GTPBP4: variants seen among roughly 807,000 people sequenced by gnomAD.
GTPBP4 encodes the protein GTP binding protein 4.
In GTPBP4, 15 loss-of-function variants were observed where a neutral mutation model predicts 81.7. That is an observed-to-expected ratio of 0.18 (90% CI 0.12 to 0.28). The LOEUF is 0.28. GTPBP4 is among the 10% of genes least tolerant of loss of function. The probability of loss-of-function intolerance (pLI) is 1.00; values close to 1 mark genes in which losing one functional copy is unlikely to be tolerated. For synonymous variants in GTPBP4, 272 were observed against 274.6 expected (o/e 0.99, Z 0.09); for missense variants, 847 against 793.8 (o/e 1.07, Z -0.81).
rs1319923760 is a variant in GTPBP4, at chr10:1,017,846, A to G, written c.*619A>G. ...TGCTGGAGGCATTAGGCAATTAAATATGGGCATTCTCCTATTTCTGTGGCC... is the reference window on the plus strand; with the variant it reads ...TGCTGGAGGCATTAGGCAATTAAATGTGGGCATTCTCCTATTTCTGTGGCC... On this transcript the variant is annotated 3_prime_UTR_variant, in exon 17 of 17. Transcript: ENST00000360803. 1.3e-5 allele frequency: 2 copies of G among 152,242 alleles called. No individual in the cohort carries two copies. The highest frequency in any genetic ancestry group is 2.9e-5 in the Non-Finnish European group (2 of 68,044). The allele number at this position is 152,242 out of a possible 1,614,324, so 9.4% of individuals were successfully genotyped here.
intron 15 of GTPBP4, among the ~76,000 whole-genome samples, chr10:1,015,432 C>G (rs1314117627): frequency 0.074 from 2,923 of 39,428 alleles, 453 homozygotes; most frequent in African/African-American, 0.14. Flanking sequence ...TGGGAGTGGA[C>G]CTGGGGTCCT....
At chr10:988,675 G>A in intron 1 of GTPBP4, 148 bp downstream of exon 1, 1 of 638,402 alleles carries the variant, frequency 1.6e-6, no homozygotes. Flanking sequence ...CCGCGTACTC[G>A]GGATCATTTC....
chr10:1,013,046 C>T (rs1302112373), intron 14 of GTPBP4, among the ~76,000 whole-genome samples: 5 of 152,010 alleles, frequency 3.3e-5, no homozygotes, highest in African/African-American at 1.2e-4. Context: ...TGCAATGGCG[C>T]CATCTTGGCT....
At position 1,005,599 on chromosome 10, in the gene GTPBP4, G is replaced by A. The variant is rs185246934; in HGVS notation, c.913-219G>A. ...CCTTTGTTGTGGGGGACAGATGTGA[G>A]GGGCTACTAGTCGGCCATCTTTTTG... is the stretch of plus-strand genomic sequence containing the variant. On this transcript the variant is annotated intron_variant, in intron 8 of 16. Coordinates refer to ENST00000360803, the MANE Select transcript of GTPBP4 (RefSeq NM_012341.3). Among the ~76,000 whole-genome samples, 9 of 152,324 alleles carry A rather than the reference G, an allele frequency of 5.9e-5. No homozygotes were observed. In the East Asian group the frequency reaches 1.5e-3, roughly 26 times the overall value.
At chr10:1,006,610 C>T (rs1161683599) in intron 9 of GTPBP4, among the ~76,000 whole-genome samples, 3 of 152,150 alleles carry the variant, frequency 2.0e-5, no homozygotes, top group African/African-American at 7.2e-5. Context: ...TGCACTACAG[C>T]CTGGGCAGCA....
At chr10:993,363 G>T (rs1443218393) in intron 2 of GTPBP4, among the ~76,000 whole-genome samples, 1 of 152,074 alleles carries the variant, frequency 6.6e-6, no homozygotes, top group African/African-American at 2.4e-5. Flanking sequence ...AGCAATTCTT[G>T]TGCTTCAGCC....
chr10:1,012,393 A>T, intron 13 of GTPBP4, 72 bp from the exon 14 acceptor site: 1 of 1,041,854 alleles, frequency 9.6e-7, no homozygotes, highest in South Asian at 1.5e-5. Context: ...TCCCATACAC[A>T]CTCTGCCACA....
At chr10:1,008,837 T>C (rs1261133490) in intron 10 of GTPBP4, 121 bp from the exon 11 acceptor site, 1 of 774,168 alleles carries the variant, frequency 1.3e-6, no homozygotes, top group African/African-American at 1.7e-5. Context: ...GGTTGTTCAT[T>C]GGTCTGGGTA....
chr10:1,013,347 C>T (rs1167751913), intron 14 of GTPBP4, among the ~76,000 whole-genome samples: 5 of 151,540 alleles, frequency 3.3e-5, no homozygotes, highest in African/African-American at 7.3e-5. Context: ...CAGTGGCTCA[C>T]GCCTGTAATC....
intron 1 of GTPBP4, 97 bp from the exon 2 acceptor site, chr10:992,390 ACT>A (rs1662628679): frequency 1.2e-5 from 9 of 721,994 alleles, no homozygotes; most frequent in South Asian, 3.2e-5. Context: ...ACAGAGCGAG[ACT>A]CTGTCTCAAA....
intron 4 of GTPBP4, 49 bp from the exon 5 acceptor site, chr10:997,159 A>G (rs1176562797): frequency 4.5e-6 from 5 of 1,115,452 alleles, no homozygotes. Flanking sequence ...AATTTAAAGC[A>G]AATCTTAAAC....
At chr10:1,006,068 CCCT>C (rs1460887808) in intron 9 of GTPBP4, among the ~76,000 whole-genome samples, 161 bp downstream of exon 9, 1 of 152,204 alleles carries the variant, frequency 6.6e-6, no homozygotes, top group Non-Finnish European at 1.5e-5. Flanking sequence ...TGAAGACAGA[CCCT>C]TCTAAGACCC....
In GTPBP4 at chr10:1,015,837, G is replaced by A. The variant is rs1163706560; in HGVS notation, c.1693G>A (p.Ala565Thr). The change falls in exon 16 of 17, where the codon GCC becomes ACC. Residue 565 changes from alanine (A) to threonine (T), a missense_variant. Around this residue, in one of 3 missense-constraint regions of GTPBP4, gnomAD observed 600 missense variants for 557.1 expected, o/e 1.08. Transcript: ENST00000360803. ...REDSAPPSSVARSGSCSRTPR... is the reference protein window; with the variant it reads ...REDSAPPSSVTRSGSCSRTPR... ...AGACTCTGCTCCCCCGTCCTCTGTG[G>A]CCCGGAGTGGGAGTTGCTCTCGAAC... 6.2e-7 allele frequency: 1 copy of A among 1,614,048 alleles called. No homozygotes were observed. The highest frequency in any genetic ancestry group is 1.1e-5 in the South Asian group (1 of 91,084).
intron 1 of GTPBP4, among the ~76,000 whole-genome samples, 180 bp from the exon 2 acceptor site, chr10:992,309 A>G (rs897321192): frequency 1.3e-5 from 2 of 151,044 alleles, no homozygotes; most frequent in Non-Finnish European, 3.0e-5. Flanking sequence ...CTGAGGCAGG[A>G]TAATGGCATG....
chr10:988,612 A>C, intron 1 of GTPBP4, 85 bp downstream of exon 1: 1 of 1,051,490 alleles, frequency 9.5e-7, no homozygotes, highest in Non-Finnish European at 1.5e-6. Flanking sequence ...TAGCCGTGGG[A>C]GAGCGGTCGC....
At chr10:992,444 G>T in intron 1 of GTPBP4, 45 bp from the exon 2 acceptor site, 7 of 1,127,506 alleles carry the variant, frequency 6.2e-6, no homozygotes, top group Non-Finnish European at 9.1e-6. Context: ...TGGCTCAAAA[G>T]TAGACCCTTT....
At chr10:999,303 TAG>T (rs995538425) in intron 6 of GTPBP4, among the ~76,000 whole-genome samples, 6 of 152,024 alleles carry the variant, frequency 3.9e-5, no homozygotes, top group Non-Finnish European at 8.8e-5. Flanking sequence ...GTTTTTTTAG[TAG>T]AGAGGGGGTT....
chr10:1,005,973 G>A (rs1831722087), intron 9 of GTPBP4, 66 bp downstream of exon 9: 1 of 833,248 alleles, frequency 1.2e-6, no homozygotes, highest in Non-Finnish European at 1.9e-6. Context: ...AGTCAGTTGT[G>A]GGGAGAAAAT....
Position 1,019,426 on chromosome 10 carries a change from C to T in GTPBP4, c.*2199C>T, listed in dbSNP as rs181293230. Reference sequence around the variant, plus strand: ...ATGGGCAATCAAGTGCCCCTTTTGCCCTGTTTTTTGGAGAGGGTGTATCAT... The same window carrying T: ...ATGGGCAATCAAGTGCCCCTTTTGCTCTGTTTTTTGGAGAGGGTGTATCAT... On this transcript the variant is annotated 3_prime_UTR_variant, in exon 17 of 17. Transcript: ENST00000360803. The T allele has an allele frequency of 5.2e-4, 527 of 1,008,964 alleles. No individual in the cohort carries two copies. The African/African-American group carries it at 6.8e-3, about 13-fold the overall frequency. The allele number at this position is 1,008,964 out of a possible 1,614,324, so 62.5% of individuals were successfully genotyped here. A position where few individuals can be genotyped will look rare whatever the true frequency, so the allele number is the denominator to read the frequency against.
Sources: allele counts gnomAD v4.1 joint callset (sites outside exome capture counted in the v4.1 genomes callset), GRCh38; gene constraint gnomAD v4.1.1; regional missense constraint gnomAD v4.1.1; transcripts MANE v1.5; gene names NCBI Gene and HGNC (gene_info 2026-07-23, HGNC 2026-07-21).